The following TEX11 variants were observed in gnomAD, a reference collection of about 807,000 sequenced individuals.
TEX11 encodes the protein testis-expressed protein 11.
Under a neutral mutation model 84.4 loss-of-function variants are expected in TEX11, and 7 were observed. That is an observed-to-expected ratio of 0.08 (90% CI 0.05 to 0.16). The LOEUF is 0.16. Among genes scored for constraint, TEX11 ranks in the 10% least tolerant of loss-of-function variants. The pLI, the probability that TEX11 is intolerant of heterozygous loss-of-function variation, is 1.00. For missense variants in TEX11, 551 were observed against 660.5 expected, an observed-to-expected ratio of 0.83 and a Z score of 1.82; for synonymous variants, 264 against 222.8, an observed-to-expected ratio of 1.18 and a Z score of -1.64.
rs1189446200 is a variant in TEX11, at chrX:70,565,226, G to C, written c.2141-10426C>G. 4.7e-5 allele frequency among the ~76,000 whole-genome samples: 5 copies of C among 106,855 alleles called. No individual in the cohort carries two copies. The South Asian group carries it at 1.2e-3, about 26-fold the overall frequency. 92.8% of individuals were successfully genotyped at this position (106,855 alleles called of 115,157 possible). ...CTTCTTTTGAGAAGTGTCTGTTCAT[G>C]TCCTTCACCCACTTTTTGATGGGGT... On this transcript the variant is annotated intron_variant, in intron 25 of 29. Transcript: ENST00000374333.
At chrX:70,696,612 A>T (rs1422268651) in intron 13 of TEX11, among the ~76,000 whole-genome samples, 2 of 109,958 alleles carry the variant, frequency 1.8e-5, no homozygotes, top group African/African-American at 6.6e-5. Context: ...TACAAAAAAA[A>T]TTAAAAAATA....
At chrX:70,822,745 C>T (rs1194017949) in intron 8 of TEX11, among the ~76,000 whole-genome samples, 1 of 111,475 alleles carries the variant, frequency 9.0e-6, no homozygotes, top group Admixed American at 9.6e-5. Flanking sequence ...GGGCTTCAGG[C>T]TGCTTCCACT....
intron 4 of TEX11, among the ~76,000 whole-genome samples, chrX:70,870,635 A>C (rs1226333150): frequency 1.8e-5 from 2 of 110,921 alleles, no homozygotes; most frequent in South Asian, 3.8e-4. Context: ...GTGCCTGGCC[A>C]ATCTCCTGTA....
intron 7 of TEX11, among the ~76,000 whole-genome samples, chrX:70,846,623 G>A (rs2091480394): frequency 8.9e-6 from 1 of 111,732 alleles, no homozygotes; most frequent in Non-Finnish European, 1.9e-5. Flanking sequence ...CAAATCTCAT[G>A]TTGAAATGTG....
chrX:70,842,035 C>T (rs1199749370), intron 7 of TEX11, among the ~76,000 whole-genome samples: 1 of 110,018 alleles, frequency 9.1e-6, no homozygotes, highest in South Asian at 3.9e-4. Context: ...GATTCACAGC[C>T]GAATTCTACC....
At chrX:70,590,009 G>A (rs754092768) in intron 25 of TEX11, among the ~76,000 whole-genome samples, 4 of 111,871 alleles carry the variant, frequency 3.6e-5, no homozygotes, top group Non-Finnish European at 7.5e-5. Context: ...TTTGCATTGT[G>A]ATCAGACGAT....
intron 2 of TEX11, among the ~76,000 whole-genome samples, chrX:70,902,201 C>T (rs1034895824): frequency 8.9e-6 from 1 of 111,757 alleles, no homozygotes; most frequent in African/African-American, 3.3e-5. Context: ...TGGTGAGCCA[C>T]GATCACACCA....
intron 28 of TEX11, among the ~76,000 whole-genome samples, chrX:70,534,081 A>T (rs1193871291): frequency 1.2e-5 from 1 of 80,073 alleles, no homozygotes; most frequent in Non-Finnish European, 2.3e-5. Flanking sequence ...ACAGAGCGAG[A>T]CTCCATCTCA....
Position 70,656,481 on chromosome X carries a change from T to C in TEX11, c.1381-4929A>G, listed in dbSNP as rs1473375768. ...ACAAAATGATTCTGGAAATATGTGG[T>C]AGAGGTAACATTTCTCTGAATTCTC... On this transcript the variant is annotated intron_variant, in intron 16 of 29. Coordinates refer to ENST00000374333, the MANE Select transcript of TEX11 (RefSeq NM_031276.3). 2.7e-5 allele frequency among the ~76,000 whole-genome samples: 3 copies of C among 110,691 alleles called. No individual in the cohort carries two copies. In the Admixed American group the frequency reaches 2.9e-4, roughly 11 times the overall value.
chrX:70,609,528 G>A (rs2089234583), intron 21 of TEX11, among the ~76,000 whole-genome samples: 1 of 112,139 alleles, frequency 8.9e-6, no homozygotes, highest in Admixed American at 9.4e-5. Flanking sequence ...AATTAGAAGG[G>A]TATCAATATG....
At chrX:70,545,461 T>C (rs1198766056) in intron 28 of TEX11, among the ~76,000 whole-genome samples, 1 of 111,670 alleles carries the variant, frequency 9.0e-6, no homozygotes, top group Non-Finnish European at 1.9e-5. Flanking sequence ...CTCCACATCT[T>C]GTCCTGCTGG....
chrX:70,609,543 C>A (rs2089235044), intron 21 of TEX11, among the ~76,000 whole-genome samples: 2 of 112,235 alleles, frequency 1.8e-5, no homozygotes, highest in Admixed American at 1.9e-4. Flanking sequence ...AATATGCTGG[C>A]ATAATATTTA....
intron 13 of TEX11, among the ~76,000 whole-genome samples, chrX:70,718,266 G>T (rs767209972): frequency 8.9e-6 from 1 of 112,130 alleles, no homozygotes; most frequent in Non-Finnish European, 1.9e-5. Flanking sequence ...AGACAAAATA[G>T]GCAATATTTT....
At chrX:70,800,305 C>G (rs904725444) in intron 9 of TEX11, among the ~76,000 whole-genome samples, 2 of 110,318 alleles carry the variant, frequency 1.8e-5, no homozygotes, top group African/African-American at 6.6e-5. Context: ...GGGCTTAATA[C>G]CTGGGTGATG....
At chrX:70,871,701 A>G (rs1001183328) in intron 4 of TEX11, among the ~76,000 whole-genome samples, 7 of 111,095 alleles carry the variant, frequency 6.3e-5, no homozygotes, top group African/African-American at 2.3e-4. Context: ...GCTACGTGAA[A>G]TGAGACAGTA....
intron 7 of TEX11, among the ~76,000 whole-genome samples, chrX:70,848,778 T>G (rs1254046321): frequency 8.9e-6 from 1 of 111,916 alleles, no homozygotes; most frequent in Non-Finnish European, 1.9e-5. Context: ...GGCTTTCACT[T>G]GGCTTGTATC....
At chrX:70,898,522 G>T (rs1407218256) in intron 2 of TEX11, among the ~76,000 whole-genome samples, 1 of 112,010 alleles carries the variant, frequency 8.9e-6, no homozygotes, top group South Asian at 3.6e-4. Flanking sequence ...AAGGTATACA[G>T]GGGCCAGAAC....
intron 11 of TEX11, among the ~76,000 whole-genome samples, chrX:70,728,370 C>T (rs1445392264): frequency 1.8e-5 from 2 of 113,035 alleles, no homozygotes; most frequent in Admixed American, 1.9e-4. Flanking sequence ...CGAGGCATCG[C>T]CTCACCAGGG....
intron 2 of TEX11, among the ~76,000 whole-genome samples, chrX:70,902,803 G>T (rs187892266): frequency 1.8e-5 from 2 of 111,944 alleles, no homozygotes; most frequent in African/African-American, 3.2e-5. Context: ...ACCTCCCAAA[G>T]TACAAACTTT....
Sources: allele counts gnomAD v4.1 joint callset (sites outside exome capture counted in the v4.1 genomes callset), GRCh38; gene constraint gnomAD v4.1.1; transcripts MANE v1.5; gene names NCBI Gene and HGNC (gene_info 2026-07-23, HGNC 2026-07-21).